Variants in ONECUT3 observed in about 807,000 individuals in gnomAD.
The protein encoded by ONECUT3 is one cut homeobox 3, also known as one cut domain family member 3.
In ONECUT3, 11 loss-of-function variants were observed where a neutral mutation model predicts 16.8. That is an observed-to-expected ratio of 0.66 (90% CI 0.41 to 1.09). The LOEUF (loss-of-function observed/expected upper bound fraction) is 1.09. ONECUT3 is among the 50% of genes least tolerant of loss of function. The pLI, the probability that ONECUT3 is intolerant of heterozygous loss-of-function variation, is 0.00. For synonymous variants in ONECUT3, 344 were observed against 310.7 expected (o/e 1.11, Z -1.13); for missense variants, 637 against 629.9 (o/e 1.01, Z -0.12).
intron 1 of ONECUT3, 91 bp from the exon 2 acceptor site, chr19:1,775,062 C>CT (rs1445369634): frequency 1.3e-6 from 1 of 787,072 alleles, no homozygotes; most frequent in Non-Finnish European, 1.9e-6. Flanking sequence ...CCTCCTCATC[C>CT]TCCGGGCGGC....
chr19:1,758,315 A>AGAGAGAG lies in ONECUT3; in HGVS notation c.1192+3461_1192+3462insGAGAGAG, dbSNP rs1408374614. On this transcript the variant is annotated intron_variant, in intron 1 of 1. Coordinates refer to ENST00000382349, the MANE Select transcript of ONECUT3 (RefSeq NM_001080488.2). This position sits in a 1 kb window ranked among gnomAD's most constrained non-coding sequence, Gnocchi z 5.9. ...GCAGAGAGACCAAAAAAAAAAAAAA[A>AGAGAGAG]AGAGAGAGAGAGAGAGAGAGACAGA... Among the ~76,000 whole-genome samples the AGAGAGAG allele has an allele frequency of 4.9e-4, 38 of 77,048 alleles. No homozygotes were observed. Among genetic ancestry groups the AGAGAGAG allele is most frequent in the African/African-American group, 1.5e-3 (37 of 24,832 alleles). 50.5% of individuals were successfully genotyped at this position (77,048 alleles called of 152,430 possible). A position where few individuals can be genotyped will look rare whatever the true frequency, so the allele number is the denominator to read the frequency against.
At chr19:1,768,391 T>C (rs1317744507) in intron 1 of ONECUT3, among the ~76,000 whole-genome samples, 1 of 151,150 alleles carries the variant, frequency 6.6e-6, no homozygotes, top group Non-Finnish European at 1.5e-5. Flanking sequence ...CGGCTGGTGG[T>C]GGATGGGGAG....
chr19:1,772,933 G>A (rs1369611725), intron 1 of ONECUT3, among the ~76,000 whole-genome samples: 2 of 143,454 alleles, frequency 1.4e-5, no homozygotes, highest in Non-Finnish European at 3.0e-5. Context: ...TTGATCTCCT[G>A]ACCTCGTGAT....
chr19:1,767,750 G>C (rs1266251156), intron 1 of ONECUT3, among the ~76,000 whole-genome samples: 1 of 152,250 alleles, frequency 6.6e-6, no homozygotes, highest in Non-Finnish European at 1.5e-5. Flanking sequence ...GTTGATGCTG[G>C]GGGCGGCGGC....
rs895083731 is a variant in ONECUT3 at position 1,780,963 on chromosome 19, G to C, written c.*5518G>C. 1 of 85,470 alleles carries C rather than the reference G, an allele frequency of 1.2e-5. No individual in the cohort carries two copies. The highest frequency in any genetic ancestry group is 3.9e-4 in the South Asian group (1 of 2,544). The allele number at this position is 85,470 out of a possible 1,614,324, so 5.3% of individuals were successfully genotyped here. On this transcript the variant is annotated 3_prime_UTR_variant, in exon 2 of 2. Coordinates refer to ENST00000382349, the MANE Select transcript of ONECUT3 (RefSeq NM_001080488.2). ...TTCCACCTTCACCCTTGGGCGACAG[G>C]CTTAAAAGCTAAAAAAAAAAAAAAA...
Position 1,757,586 on chromosome 19 carries a change from G to A in ONECUT3, c.1192+2732G>A, listed in dbSNP as rs536350127. ...CGTGGCCCCGCCGCGCGGCCCCGCG[G>A]CCGCGGGGTTCACGCCGTCAACCTT... On this transcript the variant is annotated intron_variant, in intron 1 of 1. Coordinates refer to ENST00000382349, the MANE Select transcript of ONECUT3 (RefSeq NM_001080488.2). Among the ~76,000 whole-genome samples, 758 of 152,130 alleles carry A rather than the reference G, an allele frequency of 5.0e-3. 11 individuals are homozygous for A. Among genetic ancestry groups the A allele is most frequent in the Non-Finnish European group, 5.6e-3 (383 of 67,964 alleles).
chr19:1,761,570 G>A (rs1029084021), intron 1 of ONECUT3, among the ~76,000 whole-genome samples: 2 of 152,252 alleles, frequency 1.3e-5, no homozygotes, highest in East Asian at 3.8e-4. Context: ...ACAAAGGCTG[G>A]GAGGTGGGAA....
In ONECUT3 at chr19:1,762,942, C is replaced by A. The variant is rs984264918; in HGVS notation, c.1192+8088C>A. On this transcript the variant is annotated intron_variant, in intron 1 of 1. Coordinates refer to ENST00000382349, the MANE Select transcript of ONECUT3 (RefSeq NM_001080488.2). This position sits in a 1 kb window ranked among gnomAD's most constrained non-coding sequence, Gnocchi z 4.4. ...TAAAATATTCTACATTCTTTTGGCCCGGCGGGGAGGCTCAAACCTGTAGTC... is the reference window on the plus strand; with the variant it reads ...TAAAATATTCTACATTCTTTTGGCCAGGCGGGGAGGCTCAAACCTGTAGTC... Among the ~76,000 whole-genome samples, 2 of 152,162 alleles carry A rather than the reference C, an allele frequency of 1.3e-5. No individual in the cohort carries two copies. Among genetic ancestry groups the A allele is most frequent in the African/African-American group, 4.8e-5 (2 of 41,442 alleles).
rs957311388 is a variant in ONECUT3 at position 1,780,691 on chromosome 19, T to C, written c.*5246T>C. The C allele has an allele frequency of 3.3e-5, 5 of 152,166 alleles. No homozygotes were observed. Among genetic ancestry groups the C allele is most frequent in the African/African-American group, 9.7e-5 (4 of 41,414 alleles). 9.4% of individuals were successfully genotyped at this position (152,166 alleles called of 1,614,324 possible). ...AGCAGGAGCTTGGGCCATTTCACAT[T>C]CTCTGCCCCAAGCGGTTTAAGCAAA... On this transcript the variant is annotated 3_prime_UTR_variant, in exon 2 of 2. Coordinates refer to ENST00000382349, the MANE Select transcript of ONECUT3 (RefSeq NM_001080488.2).
chr19:1,765,361 G>C (rs2067977123), intron 1 of ONECUT3, among the ~76,000 whole-genome samples: 1 of 152,272 alleles, frequency 6.6e-6, no homozygotes, highest in Admixed American at 6.5e-5. Flanking sequence ...CTGGTCTTCT[G>C]GTCCATCCTC....
rs765709157 is a variant in ONECUT3, at chr19:1,775,251, G to A, written c.1291G>A (p.Ala431Thr). Residue 431 changes from alanine to threonine, a missense_variant, in exon 2 of 2, where the codon GCC becomes ACC. Physicochemically the swap from Ala to Thr is moderately conservative, Grantham distance 58 (BLOSUM62 0). This residue lies in a region of ONECUT3 where 183 missense variants were observed against 188.3 expected (regional missense o/e 0.97). Coordinates refer to ENST00000382349, the MANE Select transcript of ONECUT3 (RefSeq NM_001080488.2). ...CGACCTGCAGCGACGCACGCTGATC[G>A]CCATCTTCAAGGAGAACAAGCGGCC... Reference protein sequence around the residue: ...FTDLQRRTLIAIFKENKRPSK... With the variant: ...FTDLQRRTLITIFKENKRPSK... The A allele has an allele frequency of 6.3e-7, 1 of 1,597,232 alleles. No homozygotes were observed.
intron 1 of ONECUT3, among the ~76,000 whole-genome samples, chr19:1,756,695 A>ATTTTTT (rs58105449): frequency 0.011 from 1,119 of 100,700 alleles, 5 homozygotes; most frequent in Non-Finnish European, 0.013. Context: ...ACGCCTGGCT[A>ATTTTTT]TTTTTTTTTT....
chr19:1,761,477 T>C (rs569922216), intron 1 of ONECUT3, among the ~76,000 whole-genome samples: 3 of 152,296 alleles, frequency 2.0e-5, no homozygotes, highest in Non-Finnish European at 4.4e-5. Context: ...ATAAATGTGG[T>C]TTCCTGTGGT....
chr19:1,760,670 A>C (rs929429225), intron 1 of ONECUT3, among the ~76,000 whole-genome samples: 12 of 150,574 alleles, frequency 8.0e-5, no homozygotes, highest in Admixed American at 2.6e-4. Flanking sequence ...GGGGGGGGCC[A>C]GGTCCCAGCC....
chr19:1,754,209 C>T lies in ONECUT3; in HGVS notation c.547C>T (p.His183Tyr). ...DERAALASVG[H>Y]LYGPYGKELP... ...GCGGGCGGCGCTCGCCTCCGTGGGCCACCTCTACGGACCCTACGGCAAGGA... is the reference window on the plus strand; with the variant it reads ...GCGGGCGGCGCTCGCCTCCGTGGGCTACCTCTACGGACCCTACGGCAAGGA... The change falls in exon 1 of 2, where the codon CAC becomes TAC. Residue 183 changes from histidine (H) to tyrosine (Y), a missense_variant. His to Tyr is a moderately conservative substitution (Grantham distance 83). Around this residue, in one of 3 missense-constraint regions of ONECUT3, gnomAD observed 419 missense variants for 377.9 expected, o/e 1.11. Transcript: ENST00000382349. The surrounding 1 kb of genome is among the most constrained non-coding windows in gnomAD (Gnocchi z 7.4). 2 of 1,166,024 alleles carry T rather than the reference C, an allele frequency of 1.7e-6. No homozygotes were observed. Among genetic ancestry groups the T allele is most frequent in the South Asian group, 4.0e-5 (2 of 50,074 alleles). 72.2% of individuals were successfully genotyped at this position (1,166,024 alleles called of 1,614,324 possible).
chr19:1,765,990 C>A (rs1468825832), intron 1 of ONECUT3, among the ~76,000 whole-genome samples: 3 of 152,276 alleles, frequency 2.0e-5, no homozygotes, highest in African/African-American at 7.2e-5. Flanking sequence ...GCATCCCACA[C>A]AGGGATGTCA....
chr19:1,763,933 T>C (rs942690221), intron 1 of ONECUT3, among the ~76,000 whole-genome samples: 7 of 152,096 alleles, frequency 4.6e-5, no homozygotes, highest in African/African-American at 1.4e-4. Flanking sequence ...GCGGTCACCA[T>C]AGCGGCTGCA....
Position 1,766,516 on chromosome 19 carries a change from AAG to A in ONECUT3, c.1193-8632_1193-8631del, listed in dbSNP as rs1159652129. On this transcript the variant is annotated intron_variant, in intron 1 of 1. Transcript: ENST00000382349. This position sits in a 1 kb window ranked among gnomAD's most constrained non-coding sequence, Gnocchi z 4.0. ...GGAAGGGGAAGAGGGGAGGGAGGTA[AAG>A]AGAGGGAGGGAAGGAAAGGGAGGAA... is the stretch of plus-strand genomic sequence containing the variant. 6.7e-6 allele frequency among the ~76,000 whole-genome samples: 1 copy of A among 149,452 alleles called. No individual in the cohort carries two copies. The highest frequency in any genetic ancestry group is 2.5e-5 in the African/African-American group (1 of 40,696).
At chr19:1,771,201 A>T (rs1054113449) in intron 1 of ONECUT3, among the ~76,000 whole-genome samples, 11 of 152,040 alleles carry the variant, frequency 7.2e-5, no homozygotes, top group Non-Finnish European at 1.3e-4. Context: ...TGCCCTCCAT[A>T]CCCTGGGTCC....
Sources: allele counts gnomAD v4.1 joint callset (sites outside exome capture counted in the v4.1 genomes callset), GRCh38; gene constraint gnomAD v4.1.1; regional missense constraint gnomAD v4.1.1; non-coding constraint Gnocchi (gnomAD v3.1); transcripts MANE v1.5; gene names NCBI Gene and HGNC (gene_info 2026-07-23, HGNC 2026-07-21).